The following SAMMSON variants were observed in gnomAD, a reference collection of about 807,000 sequenced individuals.
SAMMSON encodes the protein long intergenic non-protein coding RNA 1212.
chr3:70,311,339 C>A lies in SAMMSON; in HGVS notation n.739+20096C>A, dbSNP rs754491559. ...AGGTTTAGCTGTATTTTCAAAAGTGCGCAAATCTGTACTCATTAGGAGAAC... is the reference window on the plus strand; with the variant it reads ...AGGTTTAGCTGTATTTTCAAAAGTGAGCAAATCTGTACTCATTAGGAGAAC... On this transcript the variant is annotated intron_variant and non_coding_transcript_variant, in intron 7 of 9. Transcript: ENST00000642114. Among the ~76,000 whole-genome samples, 12 of 152,078 alleles carry A rather than the reference C, an allele frequency of 7.9e-5. 1 individual carries two copies. Among genetic ancestry groups the A allele is most frequent in the Non-Finnish European group, 1.5e-5 (1 of 68,032 alleles).
intron 4 of SAMMSON, among the ~76,000 whole-genome samples, chr3:70,095,028 A>G (rs915617354): frequency 4.6e-5 from 7 of 152,236 alleles, no homozygotes; most frequent in African/African-American, 1.4e-4. Context: ...TAAGGAGGTG[A>G]AACTTTGTCT....
intron 4 of SAMMSON, among the ~76,000 whole-genome samples, chr3:70,221,394 G>C (rs921848035): frequency 6.6e-6 from 1 of 152,064 alleles, no homozygotes. Flanking sequence ...GAAGAAGGGC[G>C]CTGTGCCTTA....
intron 4 of SAMMSON, among the ~76,000 whole-genome samples, chr3:70,165,851 C>T (rs1225175377): frequency 1.3e-5 from 2 of 151,946 alleles, no homozygotes; most frequent in African/African-American, 2.4e-5. Context: ...CTATTGCCAT[C>T]GGAAAATGTG....
At chr3:70,303,649 T>C (rs768924572) in intron 7 of SAMMSON, among the ~76,000 whole-genome samples, 28 of 152,280 alleles carry the variant, frequency 1.8e-4, no homozygotes, top group Non-Finnish European at 3.2e-4. Context: ...TGCTGAATTT[T>C]GAAAGTAATG....
At chr3:70,148,798 C>T (rs886210640) in intron 4 of SAMMSON, among the ~76,000 whole-genome samples, 1 of 152,060 alleles carries the variant, frequency 6.6e-6, no homozygotes, top group Non-Finnish European at 1.5e-5. Context: ...CCTACTAAGC[C>T]CCACCTCCAA....
At chr3:70,237,075 C>A (rs1411795284) in intron 4 of SAMMSON, among the ~76,000 whole-genome samples, 2 of 151,936 alleles carry the variant, frequency 1.3e-5, no homozygotes, top group Non-Finnish European at 2.9e-5. Flanking sequence ...TATTTGGTTC[C>A]GTATTATCAG....
intron 4 of SAMMSON, among the ~76,000 whole-genome samples, chr3:70,129,958 A>G (rs2067475466): frequency 6.6e-6 from 1 of 152,180 alleles, no homozygotes; most frequent in Non-Finnish European, 1.5e-5. Context: ...ACTCGAGCAA[A>G]TTAACACATC....
intron 9 of SAMMSON, among the ~76,000 whole-genome samples, chr3:70,367,894 GTTTGTT>G (rs1382874969): frequency 5.3e-5 from 8 of 149,594 alleles, no homozygotes; most frequent in Admixed American, 1.3e-4. Flanking sequence ...TCTGTCTTTT[GTTTGTT>G]TTTGTTTTTG....
At chr3:70,293,678 T>C (rs951700293) in intron 7 of SAMMSON, among the ~76,000 whole-genome samples, 4 of 152,104 alleles carry the variant, frequency 2.6e-5, no homozygotes, top group Non-Finnish European at 5.9e-5. Flanking sequence ...CATTTTCTCT[T>C]TCCAGAAAAA....
chr3:70,071,849 C>G (rs2067231239), intron 4 of SAMMSON: 1 of 151,790 alleles, frequency 6.6e-6, no homozygotes, highest in Non-Finnish European at 1.5e-5. Flanking sequence ...GAAGTATTTC[C>G]TGAGTTCTGT....
intron 4 of SAMMSON, among the ~76,000 whole-genome samples, chr3:70,168,887 T>C (rs1388038945): frequency 6.6e-6 from 1 of 152,042 alleles, no homozygotes; most frequent in African/African-American, 2.4e-5. Context: ...ATATGTTTGC[T>C]GACACCTCAT....
chr3:70,129,016 A>G (rs2067469895), intron 4 of SAMMSON, among the ~76,000 whole-genome samples: 13 of 152,244 alleles, frequency 8.5e-5, no homozygotes, highest in Admixed American at 8.5e-4. Context: ...TCAAATGCAT[A>G]TAAATCTTTA....
intron 4 of SAMMSON, among the ~76,000 whole-genome samples, chr3:70,179,970 G>A (rs1701039302): frequency 6.6e-6 from 1 of 151,238 alleles, no homozygotes; most frequent in Admixed American, 6.6e-5. Flanking sequence ...CTCTCATCAT[G>A]GGATAGATTT....
intron 2 of SAMMSON, among the ~76,000 whole-genome samples, chr3:70,012,981 A>T (rs979578840): frequency 3.3e-5 from 5 of 152,174 alleles, no homozygotes; most frequent in Non-Finnish European, 5.9e-5. Flanking sequence ...TCTACTATCC[A>T]GTTTGTAGAC....
At chr3:70,313,070 G>T (rs1167010556) in intron 7 of SAMMSON, among the ~76,000 whole-genome samples, 1 of 152,072 alleles carries the variant, frequency 6.6e-6, no homozygotes, top group Non-Finnish European at 1.5e-5. Flanking sequence ...TAAACAACAA[G>T]AAAACATTTC....
At chr3:70,366,796 ATATAGTGGAGCTC>A (rs1702924128) in intron 9 of SAMMSON, among the ~76,000 whole-genome samples, 1 of 151,602 alleles carries the variant, frequency 6.6e-6, no homozygotes, top group Non-Finnish European at 1.5e-5. Context: ...CCCATGAGTA[ATATAGTGGAGCTC>A]TGTTGCTCCA....
At chr3:70,199,319 C>G (rs906552972) in intron 4 of SAMMSON, among the ~76,000 whole-genome samples, 8 of 152,080 alleles carry the variant, frequency 5.3e-5, no homozygotes, top group Non-Finnish European at 1.2e-4. Flanking sequence ...AATGTCTCCT[C>G]AAGTTGGCAG....
intron 7 of SAMMSON, among the ~76,000 whole-genome samples, chr3:70,296,326 A>T (rs902407866): frequency 3.9e-5 from 6 of 152,138 alleles, no homozygotes; most frequent in African/African-American, 1.4e-4. Context: ...CTTACTAAGT[A>T]AGAGACTGAA....
chr3:70,297,656 C>G (rs1017983569), intron 7 of SAMMSON, among the ~76,000 whole-genome samples: 5 of 151,986 alleles, frequency 3.3e-5, no homozygotes, highest in African/African-American at 9.7e-5. Context: ...AGTTTCCTCC[C>G]TTATGTAAAA....
Sources: gnomAD v4.1 joint callset for allele counts (sites outside exome capture counted in the v4.1 genomes callset) on GRCh38, gnomAD v4.1.1 for gene constraint, MANE v1.5 for transcripts, NCBI Gene and HGNC (gene_info 2026-07-23, HGNC 2026-07-21) for gene names.